The following KIF20B variants were observed in gnomAD, a reference collection of about 807,000 sequenced individuals.
KIF20B encodes kinesin family member 20B.
In KIF20B, 188 loss-of-function variants were observed where a neutral mutation model predicts 232.5. That is an observed-to-expected ratio of 0.81 (90% confidence interval 0.72 to 0.91). The LOEUF is 0.91. Among genes scored for constraint, KIF20B ranks in the 40% least tolerant of loss-of-function variants. The pLI is 0.00. For synonymous variants in KIF20B, 712 were observed against 683.0 expected (o/e 1.04, Z -0.66); for missense variants, 2,154 against 2,055.9 (o/e 1.05, Z -0.92).
chr10:89,731,318 A>G (rs1017759571), intron 18 of KIF20B, among the ~76,000 whole-genome samples: 5 of 152,226 alleles, frequency 3.3e-5, no homozygotes, highest in African/African-American at 1.2e-4. Flanking sequence ...TAGTAAAAAA[A>G]TCAATATTTG....
Position 89,726,420 on chromosome 10 carries a change from C to T in KIF20B, c.2129C>T (p.Thr710Ile). 6.3e-7 allele frequency: 1 copy of T among 1,599,174 alleles called. No individual in the cohort carries two copies. Among genetic ancestry groups the T allele is most frequent in the Non-Finnish European group, 8.5e-7 (1 of 1,171,472 alleles). ...IASLPDPQEA[T>I]ACLELKFNQI... The stretch of plus-strand genomic sequence containing the variant: ...TCTCTTCCTGACCCCCAGGAAGCTA[C>T]TGCTTGTTTAGAACTAAAGTTTAAT... The change falls in exon 16 of 33, where the codon ACT becomes ATT. Residue 710 changes from threonine to isoleucine, a missense_variant. Coordinates refer to ENST00000371728, the MANE Select transcript of KIF20B (RefSeq NM_001284259.2).
In KIF20B at chr10:89,772,713, G is replaced by A. The variant is rs1366281915; in HGVS notation, c.5267G>A (p.Ser1756Asn). ...SKAKKIIETM[S>N]SSKLSNVEAS... ...GCAAAGAAGATAATTGAAACAATGA[G>A]CTCTTCAAAGCTCTCAAATGTAGAA... The change falls in exon 32 of 33, where the codon AGC becomes AAC. Residue 1756 changes from serine (S) to asparagine (N), a missense_variant. Physicochemically the swap from Ser to Asn is conservative, Grantham distance 46. Transcript: ENST00000371728. 8 of 1,580,340 alleles carry A rather than the reference G, an allele frequency of 5.1e-6. No homozygotes were observed. The highest frequency in any genetic ancestry group is 1.7e-4 in the Middle Eastern group (1 of 5,914).
In KIF20B at chr10:89,717,556, C is replaced by CTT; in HGVS notation, c.1125-12_1125-11dup. On this transcript the variant is annotated intron_variant, in intron 10 of 32. Transcript: ENST00000371728. ...ATTGTTTTGAAGAACTTTTAAAGTA[C>CTT]TTTTTTTTTCTTAATTCAGATTATC... is the stretch of plus-strand genomic sequence containing the variant. 1 of 1,583,882 alleles carries CTT rather than the reference C, an allele frequency of 6.3e-7. No individual in the cohort carries two copies. Among genetic ancestry groups the CTT allele is most frequent in the Non-Finnish European group, 8.6e-7 (1 of 1,160,886 alleles).
chr10:89,763,437 A>G (rs2133169503), intron 29 of KIF20B, among the ~76,000 whole-genome samples: 1 of 152,320 alleles, frequency 6.6e-6, no homozygotes, highest in Non-Finnish European at 1.5e-5. Context: ...GTTCATACTT[A>G]GTCACTTTCC....
intron 28 of KIF20B, 129 bp downstream of exon 28, chr10:89,760,765 G>C: frequency 1.8e-6 from 1 of 558,598 alleles, no homozygotes; most frequent in Non-Finnish European, 3.2e-6. Flanking sequence ...CTGTGTGAAA[G>C]AAACTAGAGG....
rs140716229 is a variant in KIF20B, at chr10:89,725,078, A to G, written c.1921A>G (p.Ile641Val). The G allele has an allele frequency of 3.2e-5, 52 of 1,613,980 alleles. No homozygotes were observed. The highest frequency in any genetic ancestry group is 5.5e-5 in the South Asian group (5 of 91,072). Residue 641 changes from isoleucine (I) to valine (V), a missense_variant, in exon 15 of 33, where the codon ATC (isoleucine) becomes GTC (valine). Transcript: ENST00000371728. ...AGAAAATGCTGAACGTCGTTTGGCT[A>G]TCTTCAAGGATTTGGTTGGTAAATG... ...LEENAERRLA[I>V]FKDLVGKCDT...
rs565454322 is a variant in KIF20B, at chr10:89,728,517, A to G, written c.2272-611A>G. On this transcript the variant is annotated intron_variant, in intron 17 of 32. Transcript: ENST00000371728. ...TGACATAGTTTTTTTAGTTTTATTT[A>G]TTTATTGTTTTTGAAATGGAGTCTC... Among the ~76,000 whole-genome samples, 578 of 151,752 alleles carry G rather than the reference A, an allele frequency of 3.8e-3. 2 individuals carry two copies. The highest frequency in any genetic ancestry group is 5.8e-3 in the Non-Finnish European group (392 of 67,884).
chr10:89,702,755 CT>C (rs11287823), intron 1 of KIF20B, among the ~76,000 whole-genome samples: 11,812 of 141,628 alleles, frequency 0.083, 692 homozygotes, highest in East Asian at 0.27. Context: ...CTAGGACCGA[CT>C]TTTTTTTTTT....
In KIF20B at chr10:89,743,789, T is replaced by G; in HGVS notation, c.3916-19T>G. On this transcript the variant is annotated intron_variant, in intron 21 of 32. Transcript: ENST00000371728. ...TATTTTTAAAATATTCCATTTGTTT[T>G]ATAAACATTATTTTGTAGGTATCTG... 7.2e-7 allele frequency: 1 copy of G among 1,382,818 alleles called. No individual in the cohort carries two copies. The highest frequency in any genetic ancestry group is 9.8e-7 in the Non-Finnish European group (1 of 1,021,912). 85.7% of individuals were successfully genotyped at this position (1,382,818 alleles called of 1,614,324 possible).
intron 29 of KIF20B, among the ~76,000 whole-genome samples, chr10:89,766,020 C>G (rs1186247522): frequency 6.6e-6 from 1 of 152,076 alleles, no homozygotes; most frequent in African/African-American, 2.4e-5. Flanking sequence ...GTGGCGTTCT[C>G]TGTATTTCCT....
rs557509979 is a variant in KIF20B, at chr10:89,742,160, G to A, written c.3916-1648G>A. Among the ~76,000 whole-genome samples the A allele has an allele frequency of 1.3e-3, 199 of 152,258 alleles. 1 individual carries two copies. Among genetic ancestry groups the A allele is most frequent in the African/African-American group, 4.4e-3 (184 of 41,540 alleles). Reference sequence around the variant, plus strand: ...AAAGAAATTTATGTTAGTTTTGCTGGTGCACCTCACTGCAAAAGTTATGGC... The same window carrying A: ...AAAGAAATTTATGTTAGTTTTGCTGATGCACCTCACTGCAAAAGTTATGGC... On this transcript the variant is annotated intron_variant, in intron 21 of 32. Coordinates refer to ENST00000371728, the MANE Select transcript of KIF20B (RefSeq NM_001284259.2).
At chr10:89,716,645 C>G in intron 9 of KIF20B, 98 bp downstream of exon 9, 1 of 668,114 alleles carries the variant, frequency 1.5e-6, no homozygotes, top group Admixed American at 3.2e-5. Flanking sequence ...GCAGTAGGTT[C>G]TCTCGTGTTA....
rs376798148 is a variant in KIF20B, at chr10:89,767,563, CCTTTTTCCTGAACT to C, written c.4990-726_4990-713del. On this transcript the variant is annotated intron_variant, in intron 29 of 32. Coordinates refer to ENST00000371728, the MANE Select transcript of KIF20B (RefSeq NM_001284259.2). The stretch of plus-strand genomic sequence containing the variant: ...CTTTTCTCTGCTTCTCTTCTTGCCC[CCTTTTTCCTGAACT>C]TTTATCTTTGGTACAACTAGGATTT... Among the ~76,000 whole-genome samples, 236 of 152,056 alleles carry C rather than the reference CCTTTTTCCTGAACT, an allele frequency of 1.6e-3. 1 individual carries two copies. The highest frequency in any genetic ancestry group is 5.4e-3 in the African/African-American group (225 of 41,496).
Position 89,717,500 on chromosome 10 carries a change from G to A in KIF20B, c.1124+5G>A, listed in dbSNP as rs1564659547. On this transcript the variant is annotated splice_donor_5th_base_variant and intron_variant, in intron 10 of 32. Coordinates refer to ENST00000371728, the MANE Select transcript of KIF20B (RefSeq NM_001284259.2). Reference sequence around the variant, plus strand: ...TCGTGTAATTCGAGTCAGTGAGTAAGTTGAATATTCTTTAAATTTAATTAT... The same window carrying A: ...TCGTGTAATTCGAGTCAGTGAGTAAATTGAATATTCTTTAAATTTAATTAT... 1.3e-6 allele frequency: 2 copies of A among 1,592,814 alleles called. No homozygotes were observed. Among genetic ancestry groups the A allele is most frequent in the Admixed American group, 1.7e-5 (1 of 59,088 alleles).
At chr10:89,708,563 G>A (rs1048409650) in intron 2 of KIF20B, among the ~76,000 whole-genome samples, 2 of 133,236 alleles carry the variant, frequency 1.5e-5, no homozygotes, top group African/African-American at 6.4e-5. Flanking sequence ...ACTAGGGCCT[G>A]AATTTTTTTT....
chr10:89,774,648 C>T lies in KIF20B; in HGVS notation c.*600C>T, dbSNP rs1842532551. 1 of 151,892 alleles carries T rather than the reference C, an allele frequency of 6.6e-6. No individual in the cohort carries two copies. Among genetic ancestry groups the T allele is most frequent in the Non-Finnish European group, 1.5e-5 (1 of 67,896 alleles). The allele number at this position is 151,892 out of a possible 1,614,324, so 9.4% of individuals were successfully genotyped here. On this transcript the variant is annotated 3_prime_UTR_variant, in exon 33 of 33. Transcript: ENST00000371728. The stretch of plus-strand genomic sequence containing the variant: ...ACGTGTATCATGGAGAATGAGGTAT[C>T]CATCCCCTCAAGCATTTTTCCTTTG...
chr10:89,771,610 C>T (rs74147663), intron 31 of KIF20B, among the ~76,000 whole-genome samples: 2,604 of 152,104 alleles, frequency 0.017, 76 homozygotes, highest in African/African-American at 0.06. Context: ...CATTCAGAGC[C>T]TCTTTATTGA....
intron 14 of KIF20B, 86 bp downstream of exon 14, chr10:89,724,189 A>G: frequency 8.0e-7 from 1 of 1,248,096 alleles, no homozygotes; most frequent in Non-Finnish European, 1.1e-6. Context: ...TACTTTTTAT[A>G]TTAGGTGGCT....
rs11185872 is a variant in KIF20B at position 89,762,896 on chromosome 10, A to G, written c.4989+61A>G. On this transcript the variant is annotated intron_variant, in intron 29 of 32. Transcript: ENST00000371728. ...AATCTTATTATAAAGCTGTTATAGT[A>G]TAGAGTTAAACTGCTATATTGCCCT... 2,219 of 1,274,344 alleles carry G rather than the reference A, an allele frequency of 1.7e-3. 37 individuals are homozygous for G. In the African/African-American group the frequency reaches 0.029, roughly 17 times the overall value. 78.9% of individuals were successfully genotyped at this position (1,274,344 alleles called of 1,614,324 possible).
Sources: allele counts gnomAD v4.1 joint callset (sites outside exome capture counted in the v4.1 genomes callset), GRCh38; gene constraint gnomAD v4.1.1; transcripts MANE v1.5; gene names NCBI Gene and HGNC (gene_info 2026-07-23, HGNC 2026-07-21).